UGT8: variants seen among roughly 807,000 people sequenced by gnomAD.
UGT8 encodes the protein 2-hydroxyacylsphingosine 1-beta-galactosyltransferase.
Under a neutral mutation model 40.5 loss-of-function variants are expected in UGT8, and 12 were observed. The ratio of observed to expected loss-of-function variants is 0.30; its 90% CI spans 0.19 to 0.48. The LOEUF is 0.48. Ranked by LOEUF, UGT8 falls within the 20% of genes least tolerant of loss-of-function variation. The probability of loss-of-function intolerance (pLI) is 0.99; values close to 1 mark genes in which losing one functional copy is unlikely to be tolerated. For synonymous variants in UGT8, 224 were observed against 240.4 expected, an observed-to-expected ratio of 0.93 and a Z score of 0.63; for missense variants, 513 against 648.7, an observed-to-expected ratio of 0.79 and a Z score of 2.27.
At chr4:114,670,254 A>G (rs1467647158) in intron 5 of UGT8, among the ~76,000 whole-genome samples, 1 of 151,774 alleles carries the variant, frequency 6.6e-6, no homozygotes, top group South Asian at 2.1e-4. Flanking sequence ...ACATGGTGAA[A>G]CCCCATCTCT....
intron 1 of UGT8, among the ~76,000 whole-genome samples, chr4:114,609,936 T>C (rs1467450423): frequency 3.3e-5 from 5 of 152,192 alleles, no homozygotes; most frequent in Admixed American, 3.3e-4. Context: ...AGTAACCTAA[T>C]ATATGCTAGA....
At chr4:114,622,606 CCTGA>C (rs1731888003) in intron 1 of UGT8, 1 of 302,200 alleles carries the variant, frequency 3.3e-6, no homozygotes. Flanking sequence ...CCTGTTGTTT[CCTGA>C]CTTTTTAATG....
At chr4:114,663,912 T>A in intron 2 of UGT8, 83 bp from the exon 3 acceptor site, 2 of 1,540,996 alleles carry the variant, frequency 1.3e-6, no homozygotes, top group Non-Finnish European at 1.7e-6. Flanking sequence ...CTTAAAAGGT[T>A]TTTTTTTAAC....
intron 1 of UGT8, among the ~76,000 whole-genome samples, chr4:114,611,445 T>TATACATAC (rs1427117348): frequency 4.8e-5 from 5 of 104,768 alleles, no homozygotes; most frequent in African/African-American, 2.5e-4. Context: ...TATATATATA[T>TATACATAC]ACACACACAC....
chr4:114,609,773 C>T (rs1008524296), intron 1 of UGT8, among the ~76,000 whole-genome samples: 4 of 152,112 alleles, frequency 2.6e-5, no homozygotes, highest in African/African-American at 9.7e-5. Flanking sequence ...TTTGATACTA[C>T]TTAAATGCAG....
At chr4:114,633,288 A>T (rs1732693250) in intron 2 of UGT8, among the ~76,000 whole-genome samples, 1 of 152,228 alleles carries the variant, frequency 6.6e-6, no homozygotes, top group South Asian at 2.1e-4. Context: ...AATTAATATG[A>T]TGCATATTTC....
chr4:114,671,016 A>G lies in UGT8; in HGVS notation c.1262+2712A>G, dbSNP rs144355935. ...TCGCAAGCATTCTTTTACACCAACA[A>G]TAGGCAAGCAGAGAGCCAAATCGTG... is the stretch of plus-strand genomic sequence containing the variant. On this transcript the variant is annotated intron_variant, in intron 5 of 5. Coordinates refer to ENST00000310836, the MANE Select transcript of UGT8 (RefSeq NM_001128174.3). 1.4e-3 allele frequency among the ~76,000 whole-genome samples: 207 copies of G among 152,270 alleles called. 1 individual carries two copies. The highest frequency in any genetic ancestry group is 4.8e-3 in the African/African-American group (199 of 41,554).
rs560643912 is a variant in UGT8, at chr4:114,664,275, T to C, written c.965+138T>C. ...TGCCCTTGACTTTCATTTTGTTTCT[T>C]AGCTTGTTGAAATCTAGGAATTAAT... On this transcript the variant is annotated intron_variant, in intron 3 of 5. Transcript: ENST00000310836. 18 of 962,292 alleles carry C rather than the reference T, an allele frequency of 1.9e-5. No homozygotes were observed. The South Asian group carries it at 2.4e-4, about 13-fold the overall frequency. The allele number at this position is 962,292 out of a possible 1,614,324, so 59.6% of individuals were successfully genotyped here.
chr4:114,643,279 T>C (rs1733340063), intron 2 of UGT8, among the ~76,000 whole-genome samples: 1 of 152,152 alleles, frequency 6.6e-6, no homozygotes, highest in African/African-American at 2.4e-5. Context: ...TAAATTTTAA[T>C]AGTTACACAG....
chr4:114,672,148 A>T (rs1379749704), intron 5 of UGT8, among the ~76,000 whole-genome samples: 2 of 152,238 alleles, frequency 1.3e-5, no homozygotes, highest in African/African-American at 2.4e-5. Context: ...CAGAATGGTG[A>T]TTATTAAAAA....
At chr4:114,638,413 C>T (rs1733015659) in intron 2 of UGT8, among the ~76,000 whole-genome samples, 1 of 152,174 alleles carries the variant, frequency 6.6e-6, no homozygotes, top group South Asian at 2.1e-4. Flanking sequence ...ACTTTTGGAT[C>T]TGTGCTAAGA....
intron 2 of UGT8, among the ~76,000 whole-genome samples, chr4:114,640,736 G>T (rs1196496380): frequency 2.0e-5 from 3 of 152,152 alleles, no homozygotes; most frequent in African/African-American, 7.2e-5. Flanking sequence ...GGCAGGCAAA[G>T]AGAGAGATTG....
chr4:114,620,225 G>C (rs559516567), intron 1 of UGT8, among the ~76,000 whole-genome samples: 4 of 152,186 alleles, frequency 2.6e-5, no homozygotes, highest in Admixed American at 2.6e-4. Flanking sequence ...CCTATGGTCT[G>C]CTCAGCTAGA....
intron 1 of UGT8, among the ~76,000 whole-genome samples, chr4:114,618,351 C>T (rs1731567417): frequency 6.6e-6 from 1 of 152,158 alleles, no homozygotes; most frequent in East Asian, 1.9e-4. Context: ...CTTCTTAAGA[C>T]TACACTGTGC....
intron 3 of UGT8, 102 bp from the exon 4 acceptor site, chr4:114,665,578 G>T (rs1313638168): frequency 4.0e-5 from 49 of 1,223,884 alleles, no homozygotes; most frequent in Non-Finnish European, 5.0e-5. Context: ...ATCAACAAAA[G>T]ATCATCAAAC....
rs148638657 is a variant in UGT8, at chr4:114,644,657, A to G, written c.823-19338A>G. 1.1e-3 allele frequency among the ~76,000 whole-genome samples: 170 copies of G among 152,264 alleles called. 1 individual carries two copies. The highest frequency in any genetic ancestry group is 3.2e-3 in the African/African-American group (131 of 41,560). ...CTGAATGGATGAATTGATACAATTTATAATTTGTGATCTATGCCTTTCAAG... is the reference window on the plus strand; with the variant it reads ...CTGAATGGATGAATTGATACAATTTGTAATTTGTGATCTATGCCTTTCAAG... On this transcript the variant is annotated intron_variant, in intron 2 of 5. Transcript: ENST00000310836.
intron 2 of UGT8, among the ~76,000 whole-genome samples, chr4:114,632,115 T>C (rs1732616697): frequency 6.6e-6 from 1 of 152,208 alleles, no homozygotes; most frequent in African/African-American, 2.4e-5. Context: ...CCTTCGAGTA[T>C]ATTTTGGTAA....
At chr4:114,637,173 G>C (rs921978295) in intron 2 of UGT8, among the ~76,000 whole-genome samples, 2 of 152,068 alleles carry the variant, frequency 1.3e-5, no homozygotes, top group Non-Finnish European at 2.9e-5. Context: ...CCACTCCTAC[G>C]GGCGATTATG....
At chr4:114,628,573 G>A (rs1732385294) in intron 2 of UGT8, among the ~76,000 whole-genome samples, 1 of 151,442 alleles carries the variant, frequency 6.6e-6, no homozygotes, top group Non-Finnish European at 1.5e-5. Context: ...TATAAACAGG[G>A]GCAGTGCTGA....
Sources: gnomAD v4.1 joint callset for allele counts (sites outside exome capture counted in the v4.1 genomes callset) on GRCh38, gnomAD v4.1.1 for gene constraint, MANE v1.5 for transcripts, NCBI Gene and HGNC (gene_info 2026-07-23, HGNC 2026-07-21) for gene names.